Variants in PTPRD observed in about 807,000 individuals in gnomAD.
PTPRD encodes receptor-type tyrosine-protein phosphatase delta.
In PTPRD, 34 loss-of-function variants were observed where a neutral mutation model predicts 214.5. The observed-to-expected ratio is 0.16, with a 90% CI of 0.12 to 0.21. The LOEUF is 0.21. PTPRD is among the 10% of genes least tolerant of loss of function. The pLI, the probability that PTPRD is intolerant of heterozygous loss-of-function variation, is 1.00. For synonymous variants in PTPRD, 1,128 were observed against 845.7 expected (o/e 1.33, Z -5.79); for missense variants, 2,545 against 2,398.7 (o/e 1.06, Z -1.27).
chr9:8,807,741 T>C (rs1343363164), intron 11 of PTPRD, among the ~76,000 whole-genome samples: 3 of 152,198 alleles, frequency 2.0e-5, no homozygotes, highest in African/African-American at 7.2e-5. Context: ...AACTTGATCT[T>C]ACTAACAGTT....
At chr9:10,387,390 G>C (rs1302966321) in intron 2 of PTPRD, among the ~76,000 whole-genome samples, 2 of 151,814 alleles carry the variant, frequency 1.3e-5, no homozygotes, top group African/African-American at 2.4e-5. Context: ...TAAGGAAAAG[G>C]CTTTACTGGG....
intron 7 of PTPRD, among the ~76,000 whole-genome samples, chr9:9,615,323 C>T (rs757667053): frequency 3.9e-5 from 6 of 152,244 alleles, no homozygotes; most frequent in Middle Eastern, 3.4e-3. Context: ...GGCCACCAGG[C>T]GCTGATCTGT....
chr9:9,224,084 A>G (rs1423330735), intron 9 of PTPRD, among the ~76,000 whole-genome samples: 1 of 151,964 alleles, frequency 6.6e-6, no homozygotes, highest in African/African-American at 2.4e-5. Flanking sequence ...AGACTACTCA[A>G]AGATTAACTT....
chr9:9,251,101 A>G (rs575774911), intron 9 of PTPRD, among the ~76,000 whole-genome samples: 1 of 152,178 alleles, frequency 6.6e-6, no homozygotes, highest in African/African-American at 2.4e-5. Flanking sequence ...ATGAAAGTCC[A>G]GAATCAGAGA....
At chr9:9,550,036 T>C (rs1319047418) in intron 8 of PTPRD, among the ~76,000 whole-genome samples, 1 of 151,998 alleles carries the variant, frequency 6.6e-6, no homozygotes, top group African/African-American at 2.4e-5. Context: ...AAATTAAATG[T>C]TGCTGTGAAT....
chr9:9,409,318 T>C (rs2074593629), intron 8 of PTPRD, among the ~76,000 whole-genome samples: 1 of 152,012 alleles, frequency 6.6e-6, no homozygotes, highest in Non-Finnish European at 1.5e-5. Context: ...ATGTATTACA[T>C]TGGAATTAGG....
chr9:9,721,354 A>G (rs992546374), intron 7 of PTPRD, among the ~76,000 whole-genome samples: 3 of 152,160 alleles, frequency 2.0e-5, no homozygotes, highest in Non-Finnish European at 2.9e-5. Context: ...GGGACAAAAG[A>G]GTATAAGGAC....
intron 8 of PTPRD, among the ~76,000 whole-genome samples, chr9:9,477,034 C>A (rs1185491396): frequency 1.3e-5 from 2 of 152,066 alleles, no homozygotes; most frequent in East Asian, 3.9e-4. Context: ...CACACCTGGC[C>A]CTTCATACCA....
At chr9:10,244,506 T>C (rs1185980434) in intron 3 of PTPRD, among the ~76,000 whole-genome samples, 2 of 152,142 alleles carry the variant, frequency 1.3e-5, no homozygotes, top group Non-Finnish European at 2.9e-5. Context: ...AGATCTGAGT[T>C]TATAGTCAAA....
At chr9:9,466,791 T>G (rs571013884) in intron 8 of PTPRD, among the ~76,000 whole-genome samples, 1 of 152,328 alleles carries the variant, frequency 6.6e-6, no homozygotes, top group Admixed American at 6.5e-5. Flanking sequence ...AATGCCTTAC[T>G]AATTTTAATT....
intron 3 of PTPRD, among the ~76,000 whole-genome samples, chr9:10,065,916 G>C (rs186398867): frequency 6.6e-6 from 1 of 151,782 alleles, no homozygotes; most frequent in South Asian, 2.1e-4. Context: ...TGATGTTACT[G>C]GTATCACAAA....
chr9:8,338,914 C>T lies in PTPRD; in HGVS notation c.5379+8G>A, dbSNP rs886986840. 3 of 1,602,716 alleles carry T rather than the reference C, an allele frequency of 1.9e-6. No homozygotes were observed. The highest frequency in any genetic ancestry group is 2.6e-6 in the Non-Finnish European group (3 of 1,173,144). On this transcript the variant is annotated splice_region_variant and intron_variant, in intron 43 of 45. Coordinates refer to ENST00000381196, the MANE Select transcript of PTPRD (RefSeq NM_002839.4). Reference sequence around the variant, plus strand: ...AATGGTTAAGAGTTGAAGACTGTGCCAACTTACCCTGGCATCTGTGACCTT... The same window carrying T: ...AATGGTTAAGAGTTGAAGACTGTGCTAACTTACCCTGGCATCTGTGACCTT...
intron 7 of PTPRD, among the ~76,000 whole-genome samples, chr9:9,690,348 C>T (rs972045566): frequency 6.6e-6 from 1 of 151,668 alleles, no homozygotes; most frequent in Non-Finnish European, 1.5e-5. Flanking sequence ...TCCTTCCTAT[C>T]GAGTTGTCTG....
chr9:10,410,038 G>A (rs1159705181), intron 2 of PTPRD, among the ~76,000 whole-genome samples: 2 of 151,462 alleles, frequency 1.3e-5, no homozygotes, highest in Admixed American at 1.3e-4. Flanking sequence ...GTTGCATCAA[G>A]CCACGAATTC....
chr9:10,212,591 G>C lies in PTPRD; in HGVS notation c.-545+128372C>G, dbSNP rs968953. 2.0e-5 allele frequency among the ~76,000 whole-genome samples: 3 copies of C among 152,220 alleles called. No homozygotes were observed. The South Asian group carries it at 6.2e-4, about 32-fold the overall frequency. On this transcript the variant is annotated intron_variant, in intron 3 of 45. Coordinates refer to ENST00000381196, the MANE Select transcript of PTPRD (RefSeq NM_002839.4). ...CTCCAAATATTTACTCAAAAGCATAGTTAGATATATTATCATTCAGTATCT... is the reference window on the plus strand; with the variant it reads ...CTCCAAATATTTACTCAAAAGCATACTTAGATATATTATCATTCAGTATCT...
chr9:9,252,566 T>C (rs2099975939), intron 9 of PTPRD, among the ~76,000 whole-genome samples: 1 of 152,032 alleles, frequency 6.6e-6, no homozygotes, highest in Non-Finnish European at 1.5e-5. Flanking sequence ...CATTGCAGCC[T>C]TGACTCCTGG....
At chr9:9,020,316 T>C (rs2099560783) in intron 10 of PTPRD, among the ~76,000 whole-genome samples, 1 of 152,316 alleles carries the variant, frequency 6.6e-6, no homozygotes, top group South Asian at 2.1e-4. Context: ...GTTGGTACTC[T>C]TGCGATTTTT....
At chr9:9,991,325 C>T (rs1206393839) in intron 4 of PTPRD, among the ~76,000 whole-genome samples, 1 of 151,784 alleles carries the variant, frequency 6.6e-6, no homozygotes, top group Non-Finnish European at 1.5e-5. Context: ...AAAAAACAAA[C>T]ATTAAAATTC....
At chr9:8,994,077 A>G (rs377337801) in intron 11 of PTPRD, among the ~76,000 whole-genome samples, 1 of 152,148 alleles carries the variant, frequency 6.6e-6, no homozygotes, top group South Asian at 2.1e-4. Flanking sequence ...TGAAGAATAC[A>G]TAAGATTCAG....
Sources: gnomAD v4.1 joint callset for allele counts (sites outside exome capture counted in the v4.1 genomes callset) on GRCh38, gnomAD v4.1.1 for gene constraint, MANE v1.5 for transcripts, NCBI Gene and HGNC (gene_info 2026-07-23, HGNC 2026-07-21) for gene names.